The following EPHB1 variants were observed in gnomAD, a reference collection of about 807,000 sequenced individuals.
EPHB1 encodes EPH receptor B1, also known as ephrin type-B receptor 1.
In EPHB1, 30 loss-of-function variants were observed where a neutral mutation model predicts 94.4. The observed-to-expected ratio is 0.32, with a 90% CI of 0.24 to 0.43. EPHB1 has a LOEUF of 0.43. Ranked by LOEUF, EPHB1 falls within the 20% of genes least tolerant of loss-of-function variation. The probability of loss-of-function intolerance (pLI) is 1.00; values close to 1 mark genes in which losing one functional copy is unlikely to be tolerated. For synonymous variants in EPHB1, 522 were observed against 489.1 expected, an observed-to-expected ratio of 1.07 and a Z score of -0.89; for missense variants, 1,055 against 1,308.3, an observed-to-expected ratio of 0.81 and a Z score of 2.99.
At chr3:135,127,464 G>A (rs1305710261) in intron 4 of EPHB1, among the ~76,000 whole-genome samples, 2 of 152,082 alleles carry the variant, frequency 1.3e-5, no homozygotes, top group Non-Finnish European at 2.9e-5. Context: ...CAATGGGGAG[G>A]GATCCCAGGA....
intron 7 of EPHB1, among the ~76,000 whole-genome samples, 158 bp from the exon 8 acceptor site, chr3:135,165,810 A>C (rs1159404): frequency 0.47 from 71,420 of 152,110 alleles, 16,735 homozygotes; most frequent in Middle Eastern, 0.55. Context: ...TATAACTTAA[A>C]AATTGCTGTT....
At chr3:135,119,379 A>G (rs761182813) in intron 4 of EPHB1, among the ~76,000 whole-genome samples, 2 of 152,072 alleles carry the variant, frequency 1.3e-5, no homozygotes, top group Admixed American at 1.3e-4. Flanking sequence ...GCTTTTGACT[A>G]CATTTTATAT....
intron 9 of EPHB1, among the ~76,000 whole-genome samples, chr3:135,176,801 G>T (rs1941991417): frequency 6.6e-6 from 1 of 152,096 alleles, no homozygotes; most frequent in African/African-American, 2.4e-5. Flanking sequence ...GTCTTTACTT[G>T]CAAACCATTC....
intron 3 of EPHB1, among the ~76,000 whole-genome samples, chr3:135,068,953 GCACAAGCAACACAAAGGAATAAT>G (rs1241224539): frequency 3.3e-5 from 5 of 150,122 alleles, no homozygotes; most frequent in East Asian, 4.1e-4. Flanking sequence ...TGACACCAAA[GCACAAGCAACACAAAGGAATAAT>G]AGGTAAACTG....
At chr3:134,992,176 AG>A (rs1036071960) in intron 3 of EPHB1, among the ~76,000 whole-genome samples, 1 of 152,166 alleles carries the variant, frequency 6.6e-6, no homozygotes, top group African/African-American at 2.4e-5. Context: ...ACGGGGGGCC[AG>A]GGAAGACTGT....
At chr3:135,004,952 C>T (rs1243678998) in intron 3 of EPHB1, among the ~76,000 whole-genome samples, 1 of 152,240 alleles carries the variant, frequency 6.6e-6, no homozygotes, top group Non-Finnish European at 1.5e-5. Flanking sequence ...GCCTTCTTCT[C>T]TCAGCTCATC....
At chr3:134,893,822 CTG>C (rs1241824923) in intron 1 of EPHB1, among the ~76,000 whole-genome samples, 2 of 152,224 alleles carry the variant, frequency 1.3e-5, no homozygotes, top group African/African-American at 2.4e-5. Flanking sequence ...AGACCGTAAA[CTG>C]TGTGGGAGTT....
chr3:135,171,468 AGTGTGTAGG>A (rs1375869455), intron 9 of EPHB1, among the ~76,000 whole-genome samples: 1 of 152,212 alleles, frequency 6.6e-6, no homozygotes, highest in Non-Finnish European at 1.5e-5. Context: ...AAGCTTATCG[AGTGTGTAGG>A]TAACATTTGG....
At chr3:135,245,611 T>G (rs1247116439) in intron 13 of EPHB1, among the ~76,000 whole-genome samples, 3 of 149,642 alleles carry the variant, frequency 2.0e-5, no homozygotes, top group African/African-American at 7.4e-5. Flanking sequence ...ATTGAGACCA[T>G]CCTGGCCAAC....
intron 12 of EPHB1, among the ~76,000 whole-genome samples, chr3:135,206,762 T>C (rs751928113): frequency 6.6e-6 from 1 of 152,202 alleles, no homozygotes; most frequent in Non-Finnish European, 1.5e-5. Context: ...GGCAGGAGAA[T>C]TGCTTAAACC....
intron 3 of EPHB1, among the ~76,000 whole-genome samples, chr3:135,008,714 G>A (rs1234327434): frequency 1.3e-5 from 2 of 152,172 alleles, no homozygotes; most frequent in African/African-American, 4.8e-5. Context: ...ATGTGTAAAT[G>A]GCATTTCCTA....
At chr3:135,040,665 A>G (rs1235167712) in intron 3 of EPHB1, among the ~76,000 whole-genome samples, 4 of 152,182 alleles carry the variant, frequency 2.6e-5, no homozygotes, top group Admixed American at 2.0e-4. Flanking sequence ...CCCAATAAAC[A>G]TGGCTGTGAG....
intron 3 of EPHB1, among the ~76,000 whole-genome samples, chr3:135,047,485 A>C (rs939721180): frequency 2.0e-5 from 3 of 152,132 alleles, no homozygotes; most frequent in African/African-American, 7.2e-5. Context: ...AAAGCATCGA[A>C]CTGCACAGCC....
intron 4 of EPHB1, among the ~76,000 whole-genome samples, chr3:135,111,891 G>C (rs1559835027): frequency 6.6e-6 from 1 of 152,114 alleles, no homozygotes; most frequent in Non-Finnish European, 1.5e-5. Flanking sequence ...TGTTGGTCAG[G>C]CTGGTCTCGA....
intron 1 of EPHB1, among the ~76,000 whole-genome samples, chr3:134,904,903 C>A (rs1483534585): frequency 2.0e-5 from 3 of 152,240 alleles, no homozygotes; most frequent in African/African-American, 4.8e-5. Flanking sequence ...TCTTTTACTT[C>A]TCTGCTTTAA....
intron 1 of EPHB1, among the ~76,000 whole-genome samples, chr3:134,873,706 C>T (rs538760190): frequency 3.3e-5 from 5 of 152,232 alleles, no homozygotes; most frequent in East Asian, 1.9e-4. Context: ...GCCCTGGCCA[C>T]GCATCTGTGT....
chr3:135,215,372 A>G (rs971283010), intron 12 of EPHB1, among the ~76,000 whole-genome samples: 1 of 152,044 alleles, frequency 6.6e-6, no homozygotes, highest in Non-Finnish European at 1.5e-5. Flanking sequence ...CATGTTGGTC[A>G]GGCTGGTCTC....
intron 1 of EPHB1, among the ~76,000 whole-genome samples, chr3:134,880,208 G>C (rs1401814431): frequency 6.6e-6 from 1 of 152,240 alleles, no homozygotes; most frequent in East Asian, 1.9e-4. Flanking sequence ...CTATTCTCCA[G>C]CTGTTGAACA....
At chr3:134,854,915 G>T (rs1560265140) in intron 1 of EPHB1, among the ~76,000 whole-genome samples, 2 of 151,942 alleles carry the variant, frequency 1.3e-5, no homozygotes, top group African/African-American at 4.8e-5. Context: ...AAAGTATAAA[G>T]AAAAAAATGA....
Sources: allele counts gnomAD v4.1 joint callset (sites outside exome capture counted in the v4.1 genomes callset), GRCh38; gene constraint gnomAD v4.1.1; transcripts MANE v1.5; gene names NCBI Gene and HGNC (gene_info 2026-07-23, HGNC 2026-07-21).